Variants in TMTC1 observed in about 807,000 individuals in gnomAD.
The protein encoded by TMTC1 is transmembrane O-mannosyltransferase targeting cadherins 1.
A neutral mutation model predicts 104.8 loss-of-function variants in TMTC1; 73 were observed. The observed-to-expected ratio is 0.70, with a 90% CI of 0.58 to 0.85. The LOEUF (loss-of-function observed/expected upper bound fraction) is 0.85, where lower values mean the gene tolerates loss of function less well. Among genes scored for constraint, TMTC1 ranks in the 40% least tolerant of loss-of-function variants. TMTC1 has a pLI of 0.00. For synonymous variants in TMTC1, 434 were observed against 428.7 expected, an observed-to-expected ratio of 1.01 and a Z score of -0.15; for missense variants, 1,035 against 1,096.1, an observed-to-expected ratio of 0.94 and a Z score of 0.79.
chr12:29,660,658 C>T, intron 5 of TMTC1: 1 of 267,752 alleles, frequency 3.7e-6, no homozygotes. Flanking sequence ...TTACGGCATG[C>T]CAACTGTTTG....
intron 11 of TMTC1, chr12:29,521,140 G>C (rs1565641953): frequency 1.2e-5 from 2 of 171,226 alleles, no homozygotes; most frequent in Non-Finnish European, 2.5e-5. Flanking sequence ...TGGGAGGCAG[G>C]GCAGTCTGGG....
intron 7 of TMTC1, among the ~76,000 whole-genome samples, chr12:29,591,908 G>GAAAATAAAAC (rs1946292956): frequency 1.3e-5 from 2 of 150,322 alleles, no homozygotes; most frequent in African/African-American, 5.0e-5. Context: ...GCTTTTAAGT[G>GAAAATAAAAC]AAAACAAAAC....
rs145236860 is a variant in TMTC1 at position 29,692,011 on chromosome 12, C to A, written c.939-58675G>T. On this transcript the variant is annotated intron_variant, in intron 5 of 17. Coordinates refer to ENST00000539277, the MANE Select transcript of TMTC1 (RefSeq NM_001193451.2). ...AGACAAGTGTAATTAATAATAAAAG[C>A]ACTCTCAGCTCATGAGCACATTGTG... is the stretch of plus-strand genomic sequence containing the variant. Among the ~76,000 whole-genome samples the A allele has an allele frequency of 1.4e-5, 2 of 145,022 alleles. 1 individual carries two copies. Among genetic ancestry groups the A allele is most frequent in the East Asian group, 4.6e-4 (2 of 4,338 alleles).
intron 9 of TMTC1, among the ~76,000 whole-genome samples, chr12:29,558,718 T>G (rs968821155): frequency 1.3e-5 from 2 of 152,216 alleles, no homozygotes; most frequent in African/African-American, 4.8e-5. Context: ...TGCTTCTCTC[T>G]GATCGCTTTT....
chr12:29,633,401 T>C (rs1938397732), intron 5 of TMTC1, 65 bp from the exon 6 acceptor site: 1 of 1,355,994 alleles, frequency 7.4e-7, no homozygotes, highest in African/African-American at 1.5e-5. Flanking sequence ...AAGCGTTCAG[T>C]CACCATATTT....
chr12:29,568,905 G>A (rs923748679), intron 9 of TMTC1: 14 of 455,774 alleles, frequency 3.1e-5, no homozygotes, highest in East Asian at 1.4e-4. Flanking sequence ...CCGAACAGTC[G>A]GAGAGCTCTG....
intron 5 of TMTC1, among the ~76,000 whole-genome samples, chr12:29,681,227 T>C (rs1940909169): frequency 6.6e-6 from 1 of 151,754 alleles, no homozygotes; most frequent in African/African-American, 2.4e-5. Flanking sequence ...TGAACATTAG[T>C]AAGAATAAAA....
chr12:29,764,383 T>A (rs190781091), intron 2 of TMTC1, among the ~76,000 whole-genome samples: 1 of 152,164 alleles, frequency 6.6e-6, no homozygotes, highest in South Asian at 2.1e-4. Context: ...ATGAGTTCCA[T>A]TAATGTCATA....
intron 11 of TMTC1, among the ~76,000 whole-genome samples, chr12:29,532,140 T>G (rs184698237): frequency 2.6e-5 from 4 of 152,324 alleles, no homozygotes; most frequent in African/African-American, 9.6e-5. Context: ...ATGATTTCAT[T>G]TTTTTAAAGT....
At chr12:29,544,510 T>C (rs908680175) in intron 10 of TMTC1, among the ~76,000 whole-genome samples, 1 of 152,126 alleles carries the variant, frequency 6.6e-6, no homozygotes, top group Admixed American at 6.5e-5. Context: ...TCCTCTCCTT[T>C]GTTTCTTTGG....
At chr12:29,701,941 TA>T (rs1316244904) in intron 5 of TMTC1, among the ~76,000 whole-genome samples, 5 of 152,248 alleles carry the variant, frequency 3.3e-5, no homozygotes, top group African/African-American at 9.6e-5. Context: ...TTGGTTAAGC[TA>T]CTTTCCCTAT....
chr12:29,520,386 T>G (rs189866042), intron 12 of TMTC1, among the ~76,000 whole-genome samples: 26 of 152,330 alleles, frequency 1.7e-4, no homozygotes, highest in Non-Finnish European at 3.4e-4. Flanking sequence ...GGCTACTTCC[T>G]GTCCCCTGGG....
chr12:29,691,759 AC>A (rs367599356), intron 5 of TMTC1, among the ~76,000 whole-genome samples: 7 of 142,178 alleles, frequency 4.9e-5, no homozygotes, highest in African/African-American at 1.8e-4. Flanking sequence ...ACAATGGTGT[AC>A]TGGAGGTCTG....
chr12:29,618,774 G>C (rs1354538174), intron 6 of TMTC1, among the ~76,000 whole-genome samples: 1 of 151,840 alleles, frequency 6.6e-6, no homozygotes, highest in Non-Finnish European at 1.5e-5. Context: ...CATATATCAG[G>C]GTTTTCTCAG....
intron 11 of TMTC1, among the ~76,000 whole-genome samples, chr12:29,524,917 A>C (rs77860762): frequency 0.021 from 3,232 of 152,278 alleles, 73 homozygotes; most frequent in African/African-American, 0.058. Flanking sequence ...TAAGCAAGGA[A>C]AAAATTAAGA....
chr12:29,696,010 C>A (rs1196814088), intron 5 of TMTC1, among the ~76,000 whole-genome samples: 2 of 151,806 alleles, frequency 1.3e-5, no homozygotes, highest in Non-Finnish European at 2.9e-5. Context: ...TGATGGATGG[C>A]AGTTATTTTC....
chr12:29,624,075 G>T (rs1937837050), intron 6 of TMTC1, among the ~76,000 whole-genome samples: 1 of 151,974 alleles, frequency 6.6e-6, no homozygotes, highest in African/African-American at 2.4e-5. Context: ...TACCTCCCAG[G>T]TTCAAGTGAT....
intron 5 of TMTC1, among the ~76,000 whole-genome samples, chr12:29,680,413 A>T (rs56669383): frequency 0.14 from 21,036 of 152,150 alleles, 1,730 homozygotes; most frequent in East Asian, 0.34. Flanking sequence ...GAAAATAAAT[A>T]AGATGAGGCT....
chr12:29,763,756 G>A (rs1300117644), intron 2 of TMTC1, among the ~76,000 whole-genome samples: 5 of 152,210 alleles, frequency 3.3e-5, no homozygotes, highest in Non-Finnish European at 7.3e-5. Context: ...CTCAAGGCGA[G>A]AGGAAGCTCA....
Sources: allele counts gnomAD v4.1 joint callset (sites outside exome capture counted in the v4.1 genomes callset), GRCh38; gene constraint gnomAD v4.1.1; transcripts MANE v1.5; gene names NCBI Gene and HGNC (gene_info 2026-07-23, HGNC 2026-07-21).